The following HYDIN variants were observed in gnomAD, a reference collection of about 807,000 sequenced individuals.
HYDIN encodes axonemal central pair apparatus protein HYDIN.
HYDIN carries 132 observed loss-of-function variants against 403.9 expected under a neutral mutation model. That is an observed-to-expected ratio of 0.33 (90% CI 0.28 to 0.38). HYDIN has a LOEUF of 0.38. Ranked by LOEUF, HYDIN falls within the 10% of genes least tolerant of loss-of-function variation. HYDIN has a pLI of 1.00. For missense variants in HYDIN, 2,827 were observed against 5,009.5 expected, an observed-to-expected ratio of 0.56 and a Z score of 13.15; for synonymous variants, 1,202 against 1,891.7, an observed-to-expected ratio of 0.64 and a Z score of 9.46.
intron 32 of HYDIN, 62 bp from the exon 33 acceptor site, chr16:70,974,362 T>G (rs1173653765): frequency 6.7e-7 from 1 of 1,490,166 alleles, no homozygotes; most frequent in East Asian, 2.4e-5. Flanking sequence ...AGAGCTGCTC[T>G]AGAGAAAGCC....
chr16:71,216,148 C>A (rs959891505), intron 1 of HYDIN, among the ~76,000 whole-genome samples: 1 of 152,058 alleles, frequency 6.6e-6, no homozygotes, highest in African/African-American at 2.4e-5. Flanking sequence ...TATGCACATG[C>A]TACAGAGATA....
chr16:71,182,714 G>A (rs1176653299), intron 3 of HYDIN, among the ~76,000 whole-genome samples: 1 of 152,166 alleles, frequency 6.6e-6, no homozygotes, highest in East Asian at 1.9e-4. Context: ...GGGATAGACA[G>A]TGGCAGGAGA....
intron 84 of HYDIN, among the ~76,000 whole-genome samples, chr16:70,814,807 GGA>G (rs2035729399): frequency 6.7e-6 from 1 of 149,222 alleles, no homozygotes; most frequent in African/African-American, 2.5e-5. Flanking sequence ...TTACAACAGA[GGA>G]GAGAGCCTTA....
chr16:71,219,481 T>C lies in HYDIN; in HGVS notation c.-24+11081A>G, dbSNP rs552887819. On this transcript the variant is annotated intron_variant, in intron 1 of 85. Transcript: ENST00000393567. ...TTTAGTATAGGATTTGGTATTCATA[T>C]TAAGATGAATATCACCCCTTTAAGA... 1.3e-3 allele frequency among the ~76,000 whole-genome samples: 204 copies of C among 152,320 alleles called. 1 individual carries two copies. Among genetic ancestry groups the C allele is most frequent in the African/African-American group, 4.8e-3 (199 of 41,572 alleles).
intron 5 of HYDIN, among the ~76,000 whole-genome samples, chr16:71,170,559 G>T (rs2086422399): frequency 6.6e-6 from 1 of 152,044 alleles, no homozygotes; most frequent in African/African-American, 2.4e-5. Context: ...TCTGGATCTT[G>T]ATTTAAGAAA....
At chr16:70,811,289 T>A (rs2035482406) in intron 84 of HYDIN, 1 of 151,756 alleles carries the variant, frequency 6.6e-6, no homozygotes, top group Non-Finnish European at 1.5e-5. Flanking sequence ...ACAACAAAAT[T>A]AGCTGAGTGT....
At chr16:70,984,688 A>T (rs2656759) in intron 28 of HYDIN, among the ~76,000 whole-genome samples, 46,082 of 101,578 alleles carry the variant, frequency 0.45, 13,536 homozygotes, top group African/African-American at 0.84. Context: ...TTCCTTTTTT[A>T]ATAACAATTA....
intron 1 of HYDIN, among the ~76,000 whole-genome samples, chr16:71,205,178 G>A (rs1018870044): frequency 1.3e-5 from 2 of 152,212 alleles, no homozygotes; most frequent in Admixed American, 1.3e-4. Flanking sequence ...GCCACTCTCA[G>A]AGAGGGAACA....
intron 58 of HYDIN, among the ~76,000 whole-genome samples, chr16:70,884,868 T>C (rs1447264575): frequency 1.3e-5 from 2 of 152,244 alleles, no homozygotes; most frequent in Non-Finnish European, 2.9e-5. Flanking sequence ...CAGGCTCTGT[T>C]CTCATCTTTC....
intron 12 of HYDIN, among the ~76,000 whole-genome samples, chr16:71,086,748 G>A (rs1568132007): frequency 6.6e-6 from 1 of 152,170 alleles, no homozygotes; most frequent in Non-Finnish European, 1.5e-5. Flanking sequence ...TGATCTGCTG[G>A]ATCTTATCAA....
chr16:70,996,273 G>C (rs925515), intron 23 of HYDIN, among the ~76,000 whole-genome samples: 2 of 152,118 alleles, frequency 1.3e-5, no homozygotes, highest in Non-Finnish European at 2.9e-5. Flanking sequence ...CCACACTCTC[G>C]GGCTCTCCTA....
intron 40 of HYDIN, among the ~76,000 whole-genome samples, chr16:70,953,373 A>G (rs1283279483): frequency 6.6e-6 from 1 of 152,148 alleles, no homozygotes; most frequent in Non-Finnish European, 1.5e-5. Context: ...GAGGTAGATC[A>G]GTATTAGGTT....
chr16:70,876,115 C>T (rs1303279615), intron 62 of HYDIN, among the ~76,000 whole-genome samples: 1 of 151,468 alleles, frequency 6.6e-6, no homozygotes, highest in East Asian at 1.9e-4. Flanking sequence ...GTCTCACTTT[C>T]TGGGCAGTTT....
At chr16:71,110,373 A>G (rs972992327) in intron 10 of HYDIN, among the ~76,000 whole-genome samples, 2 of 139,610 alleles carry the variant, frequency 1.4e-5, no homozygotes, top group East Asian at 2.1e-4. Context: ...TTATATATAA[A>G]ATAAAATACA....
chr16:71,126,551 C>T (rs1261619899), intron 9 of HYDIN, among the ~76,000 whole-genome samples: 4 of 152,148 alleles, frequency 2.6e-5, no homozygotes, highest in African/African-American at 4.8e-5. Flanking sequence ...GTAAGGTCCA[C>T]GTGGTCCAAG....
At chr16:71,086,255 G>A (rs1318818251) in intron 12 of HYDIN, among the ~76,000 whole-genome samples, 1 of 152,184 alleles carries the variant, frequency 6.6e-6, no homozygotes, top group African/African-American at 2.4e-5. Context: ...CATGCATCAG[G>A]AATGTCTAAG....
chr16:70,927,027 T>A (rs1333746092), intron 45 of HYDIN, among the ~76,000 whole-genome samples: 1 of 152,184 alleles, frequency 6.6e-6, no homozygotes, highest in Non-Finnish European at 1.5e-5. Context: ...CTAGCACATT[T>A]ATGATTGGAA....
intron 8 of HYDIN, among the ~76,000 whole-genome samples, chr16:71,134,693 G>A (rs1166367052): frequency 6.6e-6 from 1 of 152,168 alleles, no homozygotes. Context: ...GGAGTTAAAT[G>A]TTTAGTAAAG....
intron 42 of HYDIN, among the ~76,000 whole-genome samples, chr16:70,943,073 T>C (rs565432434): frequency 2.4e-4 from 36 of 152,358 alleles, no homozygotes; most frequent in Admixed American, 1.8e-3. Flanking sequence ...ATTGTGGCCC[T>C]AGTTGAGAAC....
Sources: gnomAD v4.1 joint callset for allele counts (sites outside exome capture counted in the v4.1 genomes callset) on GRCh38, gnomAD v4.1.1 for gene constraint, MANE v1.5 for transcripts, NCBI Gene and HGNC (gene_info 2026-07-23, HGNC 2026-07-21) for gene names.